Variants in RHOBTB1 observed in about 807,000 individuals in gnomAD.
RHOBTB1 encodes rho-related BTB domain-containing protein 1.
Under a neutral mutation model 71.6 loss-of-function variants are expected in RHOBTB1, and 40 were observed. That is an observed-to-expected ratio of 0.56 (90% confidence interval 0.43 to 0.73). RHOBTB1 has a LOEUF of 0.73. Ranked by LOEUF, RHOBTB1 falls within the 30% of genes least tolerant of loss-of-function variation. The pLI, the probability that RHOBTB1 is intolerant of heterozygous loss-of-function variation, is 0.00. For synonymous variants in RHOBTB1, 319 were observed against 334.9 expected, an observed-to-expected ratio of 0.95 and a Z score of 0.52; for missense variants, 797 against 894.0, an observed-to-expected ratio of 0.89 and a Z score of 1.38.
chr10:60,987,141 C>G (rs1341237890), intron 1 of RHOBTB1, among the ~76,000 whole-genome samples: 1 of 152,162 alleles, frequency 6.6e-6, no homozygotes, highest in Non-Finnish European at 1.5e-5. Context: ...ATCAGTGAAA[C>G]AAATCACAGC....
intron 4 of RHOBTB1, among the ~76,000 whole-genome samples, chr10:60,900,948 A>T (rs967080178): frequency 6.6e-6 from 1 of 152,192 alleles, no homozygotes; most frequent in African/African-American, 2.4e-5. Flanking sequence ...TCAGAATAAT[A>T]ATGCATTAAT....
In RHOBTB1 at chr10:60,888,623, A is replaced by G; in HGVS notation, c.1045T>C (p.Ser349Pro). 6.2e-7 allele frequency: 1 copy of G among 1,614,156 alleles called. No homozygotes were observed. Among genetic ancestry groups the G allele is most frequent in the Non-Finnish European group, 8.5e-7 (1 of 1,180,026 alleles). The stretch of plus-strand genomic sequence containing the variant: ...AGAGCCTCCACCAGGCTCTTGTTTG[A>G]AGACTTCCACTGGTCGGCCTGAGGA... ...RIPQADQWKS[S>P]NKSLVEALGL... Residue 349 changes from serine (S) to proline (P), a missense_variant, in exon 6 of 11, where the codon TCA (serine) becomes CCA (proline). Physicochemically the swap from Ser to Pro is moderately conservative, Grantham distance 74. Around this residue, in one of 2 missense-constraint regions of RHOBTB1, gnomAD observed 658 missense variants for 681.5 expected, o/e 0.97. Coordinates refer to ENST00000337910, the MANE Select transcript of RHOBTB1 (RefSeq NM_014836.5).
chr10:60,946,002 A>G (rs1259180424), upstream of RHOBTB1, among the ~76,000 whole-genome samples: 1 of 152,014 alleles, frequency 6.6e-6, no homozygotes, highest in Non-Finnish European at 1.5e-5. Flanking sequence ...ACATGGTAAA[A>G]CCCCGTCTCT....
intron 2 of RHOBTB1, among the ~76,000 whole-genome samples, chr10:60,971,932 GA>G (rs1312565527): frequency 2.0e-5 from 3 of 151,928 alleles, no homozygotes; most frequent in Non-Finnish European, 2.9e-5. Context: ...CAATAAACAT[GA>G]AAAAAAGCTC....
Position 60,911,003 on chromosome 10 carries a change from G to T in RHOBTB1, c.193-13C>A. On this transcript the variant is annotated splice_polypyrimidine_tract_variant and intron_variant, in intron 3 of 10. Transcript: ENST00000337910. ...AACGCTCCAAGACCTGCAGGAGAGA[G>T]AGAGAGCATCTGTGCTCGGTGTCAG... The T allele has an allele frequency of 6.2e-7, 1 of 1,608,072 alleles. No individual in the cohort carries two copies. The highest frequency in any genetic ancestry group is 8.5e-7 in the Non-Finnish European group (1 of 1,175,052).
chr10:60,966,659 T>C (rs1274483742), intron 2 of RHOBTB1, among the ~76,000 whole-genome samples: 2 of 151,758 alleles, frequency 1.3e-5, no homozygotes, highest in African/African-American at 4.8e-5. Context: ...TTGAGAAACT[T>C]CTTTTTTTTT....
intron 4 of RHOBTB1, among the ~76,000 whole-genome samples, chr10:60,906,616 G>A (rs2082690333): frequency 6.6e-6 from 1 of 152,148 alleles, no homozygotes; most frequent in Admixed American, 6.5e-5. Context: ...ACCGTGAAAT[G>A]AGCCTATTTT....
chr10:60,919,063 A>C (rs866896667), intron 2 of RHOBTB1, among the ~76,000 whole-genome samples: 2 of 152,104 alleles, frequency 1.3e-5, no homozygotes, highest in Non-Finnish European at 2.9e-5. Context: ...TGCTATTTCT[A>C]TCAAGGCATG....
intron 4 of RHOBTB1, among the ~76,000 whole-genome samples, chr10:60,903,446 G>A (rs1247719683): frequency 6.6e-6 from 1 of 152,076 alleles, no homozygotes; most frequent in Non-Finnish European, 1.5e-5. Context: ...GAGTGACTGG[G>A]TACAAAACAG....
chr10:60,888,586 G>A lies in RHOBTB1; in HGVS notation c.1082C>T (p.Ala361Val). Residue 361 changes from alanine (A) to valine (V), a missense_variant, in exon 6 of 11, where the codon GCC (alanine) becomes GTC (valine). Around this residue, in one of 2 missense-constraint regions of RHOBTB1, gnomAD observed 658 missense variants for 681.5 expected, o/e 0.97. Transcript: ENST00000337910. ...CTGTGTCTCAGGAACTGCACCCTCGGCTTCCAGCCCCAGAGCCTCCACCAG... is the reference window on the plus strand; with the variant it reads ...CTGTGTCTCAGGAACTGCACCCTCGACTTCCAGCCCCAGAGCCTCCACCAG... ...KSLVEALGLE[A>V]EGAVPETQTL... is the part of the protein sequence containing the mutation. 6.2e-7 allele frequency: 1 copy of A among 1,614,144 alleles called. No homozygotes were observed. The highest frequency in any genetic ancestry group is 8.5e-7 in the Non-Finnish European group (1 of 1,180,026).
intron 4 of RHOBTB1, among the ~76,000 whole-genome samples, chr10:60,901,955 G>T (rs554259790): frequency 1.3e-5 from 2 of 152,214 alleles, no homozygotes; most frequent in Non-Finnish European, 2.9e-5. Flanking sequence ...TGCTTGGGCA[G>T]CAGCCAAAAT....
chr10:60,998,346 T>C (rs1471395152), intron 1 of RHOBTB1, among the ~76,000 whole-genome samples: 1 of 152,236 alleles, frequency 6.6e-6, no homozygotes. Flanking sequence ...ATCACTGTGC[T>C]AGGCCCTGGG....
chr10:60,911,991 A>G (rs2082998797), intron 2 of RHOBTB1, among the ~76,000 whole-genome samples: 1 of 152,072 alleles, frequency 6.6e-6, no homozygotes, highest in Non-Finnish European at 1.5e-5. Context: ...CTACTTCATC[A>G]CAAGATCGCT....
At chr10:60,986,871 C>T (rs747943079) in intron 1 of RHOBTB1, among the ~76,000 whole-genome samples, 5 of 152,142 alleles carry the variant, frequency 3.3e-5, no homozygotes, top group Non-Finnish European at 7.4e-5. Context: ...GCTCTCCTCC[C>T]TTTCTGTGCC....
At chr10:60,910,147 T>TAA (rs370006154) in intron 4 of RHOBTB1, among the ~76,000 whole-genome samples, 6 of 151,260 alleles carry the variant, frequency 4.0e-5, no homozygotes, top group African/African-American at 1.5e-4. Context: ...AATTAAGTGG[T>TAA]AAAAAAAAAG....
At position 60,888,694 on chromosome 10, in the gene RHOBTB1, A is replaced by G; in HGVS notation, c.974T>C (p.Leu325Ser). The G allele has an allele frequency of 6.2e-7, 1 of 1,614,128 alleles. No individual in the cohort carries two copies. Among genetic ancestry groups the G allele is most frequent in the Non-Finnish European group, 8.5e-7 (1 of 1,180,020 alleles). ...CCTTTCTTCCTCTGGGTCGACACTC[A>G]ATATCCGCCCCTGGAAATCTCTGCT... ...KQSRDFQGRI[L>S]SVDPEEEREE... The change falls in exon 6 of 11, where the codon TTG becomes TCG. Residue 325 changes from leucine to serine, a missense_variant. Physicochemically the swap from Leu to Ser is moderately radical, Grantham distance 145 (BLOSUM62 -2). This residue lies in a region of RHOBTB1 where 658 missense variants were observed against 681.5 expected (regional missense o/e 0.97). Transcript: ENST00000337910.
At chr10:60,878,704 G>C (rs1190001551) in intron 7 of RHOBTB1, among the ~76,000 whole-genome samples, 1 of 152,170 alleles carries the variant, frequency 6.6e-6, no homozygotes, top group East Asian at 1.9e-4. Flanking sequence ...AGTATGACTG[G>C]GTACAGGTGA....
At chr10:60,893,386 A>G (rs1412089053) in intron 4 of RHOBTB1, among the ~76,000 whole-genome samples, 1 of 152,240 alleles carries the variant, frequency 6.6e-6, no homozygotes, top group African/African-American at 2.4e-5. Flanking sequence ...AGTTTAAAAA[A>G]CATAAAGGTG....
chr10:60,928,831 C>T (rs111662428), intron 2 of RHOBTB1, among the ~76,000 whole-genome samples: 1 of 151,826 alleles, frequency 6.6e-6, no homozygotes, highest in African/African-American at 2.4e-5. Flanking sequence ...TTATGGAAAC[C>T]CCAATGTAGT....
Sources: allele counts gnomAD v4.1 joint callset (sites outside exome capture counted in the v4.1 genomes callset), GRCh38; gene constraint gnomAD v4.1.1; regional missense constraint gnomAD v4.1.1; transcripts MANE v1.5; gene names NCBI Gene and HGNC (gene_info 2026-07-23, HGNC 2026-07-21).